Variants in FAF1 observed in about 807,000 individuals in gnomAD.
The protein encoded by FAF1 is Fas associated factor 1.
Under a neutral mutation model 92.5 loss-of-function variants are expected in FAF1, and 25 were observed. The ratio of observed to expected loss-of-function variants is 0.27; its 90% confidence interval spans 0.20 to 0.38. The LOEUF (loss-of-function observed/expected upper bound fraction) is 0.38. Ranked by LOEUF, FAF1 falls within the 10% of genes least tolerant of loss-of-function variation. The pLI is 1.00. For synonymous variants in FAF1, 234 were observed against 273.2 expected, an observed-to-expected ratio of 0.86 and a Z score of 1.42; for missense variants, 636 against 793.3, an observed-to-expected ratio of 0.80 and a Z score of 2.38.
chr1:50,629,807 C>T lies in FAF1; in HGVS notation c.744+25635G>A, dbSNP rs1653679037. Among the ~76,000 whole-genome samples the T allele has an allele frequency of 2.0e-5, 3 of 151,976 alleles. No individual in the cohort carries two copies. The South Asian group carries it at 6.2e-4, about 32-fold the overall frequency. Reference sequence around the variant, plus strand: ...GGTGCAGTGGCTCACGCCTGTAATCCCAGCACTTTGGGAGGCCGAGACAGG... The same window carrying T: ...GGTGCAGTGGCTCACGCCTGTAATCTCAGCACTTTGGGAGGCCGAGACAGG... On this transcript the variant is annotated intron_variant, in intron 8 of 18. Coordinates refer to ENST00000396153, the MANE Select transcript of FAF1 (RefSeq NM_007051.3).
At chr1:50,616,463 G>A (rs1287771945) in intron 8 of FAF1, among the ~76,000 whole-genome samples, 1 of 152,004 alleles carries the variant, frequency 6.6e-6, no homozygotes, top group East Asian at 1.9e-4. Flanking sequence ...TTCTTCCAAT[G>A]CATGACTATG....
At chr1:50,767,204 C>T (rs1660608220) in intron 4 of FAF1, among the ~76,000 whole-genome samples, 2 of 152,114 alleles carry the variant, frequency 1.3e-5, no homozygotes, top group African/African-American at 2.4e-5. Context: ...AATTAGCCAA[C>T]TGGAGAAAAG....
chr1:50,599,206 A>T (rs184066393), intron 8 of FAF1, among the ~76,000 whole-genome samples: 20 of 152,142 alleles, frequency 1.3e-4, no homozygotes, highest in African/African-American at 4.6e-4. Flanking sequence ...TCCACCTCCC[A>T]GGTTCGAGTG....
chr1:50,728,518 C>T (rs2124467809), intron 6 of FAF1, among the ~76,000 whole-genome samples: 1 of 152,170 alleles, frequency 6.6e-6, no homozygotes, highest in African/African-American at 2.4e-5. Context: ...GGGCCAGGCA[C>T]AGTGGCTCAT....
intron 4 of FAF1, among the ~76,000 whole-genome samples, chr1:50,766,864 G>A (rs1347700895): frequency 1.4e-5 from 2 of 143,280 alleles, no homozygotes; most frequent in Admixed American, 7.1e-5. Flanking sequence ...AGCTCATACA[G>A]ATGAGAAAGA....
intron 6 of FAF1, among the ~76,000 whole-genome samples, chr1:50,709,359 T>C (rs1657820608): frequency 6.6e-6 from 1 of 152,220 alleles, no homozygotes; most frequent in South Asian, 2.1e-4. Flanking sequence ...AATTCTAGAC[T>C]ATATATGTTT....
chr1:50,539,821 G>A, intron 13 of FAF1, 93 bp from the exon 14 acceptor site: 1 of 881,300 alleles, frequency 1.1e-6, no homozygotes, highest in Non-Finnish European at 1.8e-6. Flanking sequence ...TATTAGTTAT[G>A]TTAAATTAGA....
At chr1:50,904,210 C>T (rs1181116304) in intron 1 of FAF1, among the ~76,000 whole-genome samples, 1 of 152,152 alleles carries the variant, frequency 6.6e-6, no homozygotes, top group East Asian at 1.9e-4. Flanking sequence ...AAATTCTGAA[C>T]ATGCTACAGT....
chr1:50,549,235 A>C (rs2149045331), intron 13 of FAF1, among the ~76,000 whole-genome samples: 1 of 152,254 alleles, frequency 6.6e-6, no homozygotes, highest in Admixed American at 6.5e-5. Flanking sequence ...CTCTACTTTA[A>C]ATCTATCTAT....
At chr1:50,731,992 G>A (rs1236602728) in intron 6 of FAF1, among the ~76,000 whole-genome samples, 1 of 152,028 alleles carries the variant, frequency 6.6e-6, no homozygotes, top group Non-Finnish European at 1.5e-5. Context: ...AGTTTTCTAA[G>A]TATTCCATGA....
Position 50,738,915 on chromosome 1 carries a change from G to A in FAF1, c.499C>T (p.Leu167Phe), listed in dbSNP as rs1027095593. 1.9e-6 allele frequency: 3 copies of A among 1,609,494 alleles called. No individual in the cohort carries two copies. The highest frequency in any genetic ancestry group is 2.7e-5 in the African/African-American group (2 of 74,728). Residue 167 changes from leucine (L) to phenylalanine (F), a missense_variant, in exon 6 of 19, where the codon CTT becomes TTT. Around this residue, in one of 2 missense-constraint regions of FAF1, gnomAD observed 317 missense variants for 342.4 expected, o/e 0.93. Transcript: ENST00000396153. Reference sequence around the variant, plus strand: ...GGCAAATCTGGTGTAAGGACATAAAGACTGTTGTTTTTTGGCAAGTGTAGA... The same window carrying A: ...GGCAAATCTGGTGTAAGGACATAAAAACTGTTGTTTTTTGGCAAGTGTAGA... ...KSLHLPKNNS[L>F]YVLTPDLPPP...
intron 4 of FAF1, among the ~76,000 whole-genome samples, chr1:50,782,844 A>G (rs1017169256): frequency 6.6e-6 from 1 of 152,142 alleles, no homozygotes. Context: ...AAGTCTTCAC[A>G]TTCACTCACT....
intron 15 of FAF1, among the ~76,000 whole-genome samples, chr1:50,499,909 T>C (rs1057461510): frequency 3.3e-5 from 5 of 152,188 alleles, no homozygotes; most frequent in African/African-American, 7.2e-5. Context: ...TTTAAAAATA[T>C]CATTTATAAT....
At chr1:50,539,563 C>T in intron 14 of FAF1, 29 bp downstream of exon 14, 1 of 1,567,776 alleles carries the variant, frequency 6.4e-7, no homozygotes, top group East Asian at 2.3e-5. Flanking sequence ...ACCAGGAAGG[C>T]TTTACTCTCC....
intron 1 of FAF1, among the ~76,000 whole-genome samples, chr1:50,931,079 C>T (rs551781624): frequency 1.3e-4 from 20 of 152,202 alleles, no homozygotes; most frequent in Admixed American, 3.3e-4. Flanking sequence ...TTCTCTTATA[C>T]GAAATATAGA....
At chr1:50,736,201 T>G (rs1184176312) in intron 6 of FAF1, among the ~76,000 whole-genome samples, 2 of 152,242 alleles carry the variant, frequency 1.3e-5, no homozygotes, top group Non-Finnish European at 1.5e-5. Context: ...GTTGTTATAT[T>G]CATTTGCCAA....
chr1:50,509,265 C>T (rs1647101439), intron 15 of FAF1, among the ~76,000 whole-genome samples: 2 of 152,104 alleles, frequency 1.3e-5, no homozygotes, highest in South Asian at 4.1e-4. Context: ...CTTTCCACAT[C>T]TAAAGTATAA....
intron 2 of FAF1, among the ~76,000 whole-genome samples, chr1:50,818,718 T>G (rs901485542): frequency 6.6e-6 from 1 of 152,052 alleles, no homozygotes; most frequent in Non-Finnish European, 1.5e-5. Context: ...TTTTGGAATA[T>G]GCGCAGACCC....
At chr1:50,589,986 A>G (rs1175287268) in intron 9 of FAF1, among the ~76,000 whole-genome samples, 2 of 152,192 alleles carry the variant, frequency 1.3e-5, no homozygotes, top group Admixed American at 6.5e-5. Context: ...CCATTTTATC[A>G]TAATATGCTG....
Sources: allele counts gnomAD v4.1 joint callset (sites outside exome capture counted in the v4.1 genomes callset), GRCh38; gene constraint gnomAD v4.1.1; regional missense constraint gnomAD v4.1.1; transcripts MANE v1.5; gene names NCBI Gene and HGNC (gene_info 2026-07-23, HGNC 2026-07-21).